The following PDE3A variants were observed in gnomAD, a reference collection of about 807,000 sequenced individuals.
PDE3A encodes phosphodiesterase 3A, also known as cGMP-inhibited 3',5'-cyclic phosphodiesterase 3A.
In PDE3A, 43 loss-of-function variants were observed where a neutral mutation model predicts 98.3. The observed-to-expected ratio is 0.44, with a 90% CI of 0.34 to 0.56. The LOEUF is 0.56. Ranked by LOEUF, PDE3A falls within the 20% of genes least tolerant of loss-of-function variation. PDE3A has a pLI of 0.01. For synonymous variants in PDE3A, 663 were observed against 567.9 expected (o/e 1.17, Z -2.38); for missense variants, 1,427 against 1,440.7 (o/e 0.99, Z 0.15).
chr12:20,466,531 A>C (rs557244847), intron 1 of PDE3A, among the ~76,000 whole-genome samples: 1 of 152,290 alleles, frequency 6.6e-6, no homozygotes, highest in South Asian at 2.1e-4. Context: ...TAATACTTCG[A>C]ATGTGAATGC....
chr12:20,537,589 C>T (rs1941779282), intron 1 of PDE3A, among the ~76,000 whole-genome samples: 1 of 151,934 alleles, frequency 6.6e-6, no homozygotes, highest in South Asian at 2.1e-4. Context: ...CTCTGTGGTA[C>T]ACAAGATGCT....
At chr12:20,543,768 A>C (rs1828785837) in intron 1 of PDE3A, among the ~76,000 whole-genome samples, 1 of 152,040 alleles carries the variant, frequency 6.6e-6, no homozygotes, top group African/African-American at 2.4e-5. Flanking sequence ...ACAATGCCTA[A>C]GTTTGATTAT....
chr12:20,636,996 C>A, intron 8 of PDE3A, 104 bp from the exon 9 acceptor site: 2 of 700,224 alleles, frequency 2.9e-6, no homozygotes, highest in South Asian at 2.9e-5. Flanking sequence ...AGTTTTAAGT[C>A]ATTTATTTCC....
intron 1 of PDE3A, among the ~76,000 whole-genome samples, chr12:20,439,043 C>A (rs1232311725): frequency 6.6e-6 from 1 of 152,050 alleles, no homozygotes; most frequent in Non-Finnish European, 1.5e-5. Flanking sequence ...GATCTGCCTG[C>A]CTCACCCTTT....
rs577205308 is a variant in PDE3A, at chr12:20,667,755, T to C, written c.3185-12275T>C. 2.0e-5 allele frequency among the ~76,000 whole-genome samples: 3 copies of C among 152,314 alleles called. No homozygotes were observed. In the East Asian group the frequency reaches 5.8e-4, roughly 29 times the overall value. ...AGGATTGCTTTGGCTACTCAAGCTC[T>C]TTTTTGGTTCCATAGAGATTTTGGA... On this transcript the variant is annotated intron_variant, in intron 15 of 15. Transcript: ENST00000359062.
At chr12:20,404,976 A>G (rs185159882) in intron 1 of PDE3A, among the ~76,000 whole-genome samples, 4 of 151,796 alleles carry the variant, frequency 2.6e-5, no homozygotes, top group Non-Finnish European at 4.4e-5. Context: ...TGCTACCTTT[A>G]TTTCTTCCCC....
intron 1 of PDE3A, among the ~76,000 whole-genome samples, chr12:20,447,376 G>A (rs1249605801): frequency 2.6e-5 from 4 of 152,214 alleles, no homozygotes; most frequent in South Asian, 4.1e-4. Context: ...AGGCCCCTTT[G>A]TAACTTCTGG....
rs71442269 is a variant in PDE3A at position 20,685,409 on chromosome 12, CAAAAAAAAAAAA to C, written c.*5150_*5161del. ...GGGCAACAGGAGTTAAATTTTGCCTCAAAAAAAAAAAAAAAAAAAAAAAGAACATTTTTTGGC... is the reference window on the plus strand; with the variant it reads ...GGGCAACAGGAGTTAAATTTTGCCTCAAAAAAAAAAAGAACATTTTTTGGC... On this transcript the variant is annotated 3_prime_UTR_variant, in exon 16 of 16. Coordinates refer to ENST00000359062, the MANE Select transcript of PDE3A (RefSeq NM_000921.5). Among the ~76,000 whole-genome samples, 2 of 73,800 alleles carry C rather than the reference CAAAAAAAAAAAA, an allele frequency of 2.7e-5. No individual in the cohort carries two copies. Among genetic ancestry groups the C allele is most frequent in the African/African-American group, 6.0e-5 (1 of 16,552 alleles). The allele number at this position is 73,800 out of a possible 152,430, so 48.4% of individuals were successfully genotyped here. A position where few individuals can be genotyped will look rare whatever the true frequency, so the allele number is the denominator to read the frequency against.
intron 10 of PDE3A, among the ~76,000 whole-genome samples, chr12:20,641,255 C>T (rs889317170): frequency 3.6e-4 from 54 of 151,924 alleles, no homozygotes; most frequent in African/African-American, 1.1e-3. Context: ...AGTTGGAGTA[C>T]GGGAAAGAGG....
chr12:20,386,078 T>TATAAATATAA (rs1249189905), intron 1 of PDE3A, among the ~76,000 whole-genome samples: 1 of 45,992 alleles, frequency 2.2e-5, no homozygotes, highest in Non-Finnish European at 3.8e-5. Flanking sequence ...ATAAAATATA[T>TATAAATATAA]ATAAATATAT....
chr12:20,566,176 C>T (rs1942649862), intron 2 of PDE3A, among the ~76,000 whole-genome samples: 1 of 151,940 alleles, frequency 6.6e-6, no homozygotes, highest in African/African-American at 2.4e-5. Context: ...TTTTCTAGAT[C>T]ACAGAACTTT....
chr12:20,471,033 G>T (rs998163485), intron 1 of PDE3A, among the ~76,000 whole-genome samples: 2 of 152,086 alleles, frequency 1.3e-5, no homozygotes, highest in Non-Finnish European at 2.9e-5. Flanking sequence ...CTGCCACCTA[G>T]ATCTTGGATT....
chr12:20,642,942 C>G (rs374136815), intron 10 of PDE3A, among the ~76,000 whole-genome samples: 18 of 152,286 alleles, frequency 1.2e-4, no homozygotes, highest in African/African-American at 4.1e-4. Context: ...AAATTTGGAT[C>G]TTAAAATCTG....
rs1178584125 is a variant in PDE3A, at chr12:20,605,279, A to C, written c.1012-8164A>C. Among the ~76,000 whole-genome samples, 3 of 152,194 alleles carry C rather than the reference A, an allele frequency of 2.0e-5. No homozygotes were observed. The East Asian group carries it at 5.8e-4, about 29-fold the overall frequency. The stretch of plus-strand genomic sequence containing the variant: ...GAAGTATATGGAAATTCCACCAAAT[A>C]GCCTATTCCTTGTGATCTACTCAGT... On this transcript the variant is annotated intron_variant, in intron 2 of 15. Transcript: ENST00000359062.
At chr12:20,513,794 A>G (rs1381085029) in intron 1 of PDE3A, among the ~76,000 whole-genome samples, 1 of 152,186 alleles carries the variant, frequency 6.6e-6, no homozygotes, top group Non-Finnish European at 1.5e-5. Context: ...AACAATTTAG[A>G]CAGATTTCAG....
At chr12:20,636,566 T>C (rs1944518576) in intron 8 of PDE3A, among the ~76,000 whole-genome samples, 1 of 152,116 alleles carries the variant, frequency 6.6e-6, no homozygotes, top group Non-Finnish European at 1.5e-5. Context: ...ATATGGCAAT[T>C]GTTATTCTAT....
chr12:20,659,227 C>T (rs933795045), intron 15 of PDE3A, among the ~76,000 whole-genome samples: 8 of 152,100 alleles, frequency 5.3e-5, no homozygotes, highest in African/African-American at 1.9e-4. Flanking sequence ...TAATAATTGT[C>T]ATTCTGTGTC....
intron 1 of PDE3A, among the ~76,000 whole-genome samples, chr12:20,521,262 C>T (rs1334033817): frequency 6.6e-6 from 1 of 151,646 alleles, no homozygotes; most frequent in East Asian, 1.9e-4. Context: ...TCTTTTGGAG[C>T]CAGGAACTTC....
At chr12:20,541,916 T>C (rs1941922748) in intron 1 of PDE3A, among the ~76,000 whole-genome samples, 1 of 152,132 alleles carries the variant, frequency 6.6e-6, no homozygotes, top group Non-Finnish European at 1.5e-5. Flanking sequence ...ATTTAAGAAC[T>C]TGAACACAAA....
Sources: allele counts gnomAD v4.1 joint callset (sites outside exome capture counted in the v4.1 genomes callset), GRCh38; gene constraint gnomAD v4.1.1; transcripts MANE v1.5; gene names NCBI Gene and HGNC (gene_info 2026-07-23, HGNC 2026-07-21).